Variants in ARHGEF16 observed in about 807,000 individuals in gnomAD.
ARHGEF16 encodes Rho guanine exchange factor (GEF) 16.
A neutral mutation model predicts 74.1 loss-of-function variants in ARHGEF16; 59 were observed. The ratio of observed to expected loss-of-function variants is 0.80; its 90% CI spans 0.65 to 0.99. The LOEUF is 0.99. Among genes scored for constraint, ARHGEF16 ranks in the 50% least tolerant of loss-of-function variants. ARHGEF16 has a pLI of 0.00. For synonymous variants in ARHGEF16, 415 were observed against 412.6 expected (o/e 1.01, Z -0.07); for missense variants, 948 against 986.6 (o/e 0.96, Z 0.52).
At chr1:3,464,188 G>A (rs1293837640) in intron 2 of ARHGEF16, among the ~76,000 whole-genome samples, 2 of 152,242 alleles carry the variant, frequency 1.3e-5, no homozygotes, top group Admixed American at 1.3e-4. Flanking sequence ...TGCTGGTGGT[G>A]GCTCTAGGTC....
Position 3,480,516 on chromosome 1 carries a change from A to T in ARHGEF16, c.2059A>T (p.Ile687Phe), listed in dbSNP as rs1385359729. ...GTTCCCCGAGGACTTTGCCCGCTTC[A>T]TCACCAGCCGTGTGGCCGTGGAGGG... Reference protein sequence around the residue: ...GWFPEDFARFITSRVAVEGNV... With the variant: ...GWFPEDFARFFTSRVAVEGNV... The change falls in exon 15 of 15, where the codon ATC (isoleucine) becomes TTC (phenylalanine). Residue 687 changes from isoleucine to phenylalanine, a missense_variant. By Grantham distance (21) the Ile-to-Phe change is conservative. Coordinates refer to ENST00000378378, the MANE Select transcript of ARHGEF16 (RefSeq NM_014448.4). 6.2e-7 allele frequency: 1 copy of T among 1,612,502 alleles called. No homozygotes were observed. The highest frequency in any genetic ancestry group is 8.5e-7 in the Non-Finnish European group (1 of 1,179,964).
chr1:3,468,721 C>T (rs1639618870), intron 4 of ARHGEF16, 159 bp from the exon 5 acceptor site: 1 of 750,124 alleles, frequency 1.3e-6, no homozygotes, highest in East Asian at 2.7e-5. Context: ...GGGGATAGGC[C>T]CTCGGCAGGA....
Position 3,476,012 on chromosome 1 carries a change from A to G in ARHGEF16, c.1423A>G (p.Met475Val). The stretch of plus-strand genomic sequence containing the variant: ...CGAGGGGGCCCACAGGATGGAGCGC[A>G]TGGAGCAGATGTACACGCTGCACAC... ...CNEGAHRMERMEQMYTLHTQL... is the reference protein window; with the variant it reads ...CNEGAHRMERVEQMYTLHTQL... The change falls in exon 10 of 15, where the codon ATG becomes GTG. Residue 475 changes from methionine (M) to valine (V), a missense_variant. Transcript: ENST00000378378. The G allele has an allele frequency of 6.4e-7, 1 of 1,557,766 alleles. No homozygotes were observed. Among genetic ancestry groups the G allele is most frequent in the Non-Finnish European group, 8.7e-7 (1 of 1,150,816 alleles).
In ARHGEF16 at chr1:3,474,731, C is replaced by T; in HGVS notation, c.1329C>T (p.Gly443=). 6.2e-7 allele frequency: 1 copy of T among 1,612,904 alleles called. No homozygotes were observed. Among genetic ancestry groups the T allele is most frequent in the Non-Finnish European group, 8.5e-7 (1 of 1,179,972 alleles). ...LMDTLCLKTQ[G]HSERYKAASR... ...AGACGCTCTGCCTCAAGACCCAGGG[C>T]CACTCCGAAAGGTACAAGGCTGCCA... Residue 443 remains glycine, a synonymous_variant, in exon 9 of 15, where the codon GGC becomes GGT. Transcript: ENST00000378378.
In ARHGEF16 at chr1:3,463,440, G is replaced by A. The variant is rs182727821; in HGVS notation, c.356G>A (p.Arg119Gln). ...GAAVLSREAA[R>Q]RDPKLLPAPS... ...GCTGTACTTAGCAGGGAGGCCGCCC[G>A]GCGGGACCCTAAGCTCCTCCCAGCC... is the stretch of plus-strand genomic sequence containing the variant. Residue 119 changes from arginine (R) to glutamine (Q), a missense_variant, in exon 2 of 15, where the codon CGG becomes CAG. Arg to Gln is a conservative substitution (Grantham distance 43). Transcript: ENST00000378378. The A allele has an allele frequency of 1.9e-4, 287 of 1,546,158 alleles. No homozygotes were observed. In the African/African-American group the frequency reaches 3.4e-3, roughly 18 times the overall value.
intron 3 of ARHGEF16, 21 bp downstream of exon 3, chr1:3,466,214 C>T: frequency 3.9e-6 from 6 of 1,533,778 alleles, no homozygotes; most frequent in Admixed American, 2.1e-5. Flanking sequence ...CTTCGGGAGG[C>T]ACCGCGGGCT....
intron 6 of ARHGEF16, chr1:3,471,744 G>T: frequency 8.3e-7 from 1 of 1,202,686 alleles, no homozygotes; most frequent in Non-Finnish European, 1.1e-6. Flanking sequence ...GCCCCCGACA[G>T]CTCCTGGCAT....
chr1:3,466,264 G>A, intron 3 of ARHGEF16, 71 bp downstream of exon 3: 1 of 1,472,004 alleles, frequency 6.8e-7, no homozygotes, highest in Non-Finnish European at 9.1e-7. Context: ...GCACCCTGGG[G>A]TTCGGGTGGG....
chr1:3,467,252 GC>G lies in ARHGEF16; in HGVS notation c.723del (p.Glu242ArgfsTer62). On this transcript the variant is annotated frameshift_variant, in exon 4 of 15. Transcript: ENST00000378378. LOFTEE classifies it high-confidence loss of function. The stretch of plus-strand genomic sequence containing the variant: ...GACGACATCCTCGATGAGTCCTCCA[GC>G]CCCGAGGGAACCCAGAAGGTGGACG... Reference protein sequence around the residue: ...SDDDILDESSSPEGTQKVDAT... With the variant: ...SDDDILDESSXPEGTQKVDAT... The G allele has an allele frequency of 6.4e-7, 1 of 1,550,540 alleles. No homozygotes were observed. The highest frequency in any genetic ancestry group is 1.4e-5 in the African/African-American group (1 of 73,186).
chr1:3,466,080 G>C, intron 2 of ARHGEF16, 68 bp from the exon 3 acceptor site: 1 of 1,525,436 alleles, frequency 6.6e-7, no homozygotes, highest in Admixed American at 2.1e-5. Flanking sequence ...GGGTCCCAGG[G>C]CAGAATCGCC....
At position 3,473,407 on chromosome 1, in the gene ARHGEF16, C is replaced by T. The variant is rs1215926915; in HGVS notation, c.1190C>T (p.Ala397Val). ...TLQKLISSNAAFREALREIER... is the reference protein window; with the variant it reads ...TLQKLISSNAVFREALREIER... Reference sequence around the variant, plus strand: ...TCCTCTTGCAGAAGCAGCAACGCCGCCTTCCGAGAGGCCCTGAGAGAGATT... The same window carrying T: ...TCCTCTTGCAGAAGCAGCAACGCCGTCTTCCGAGAGGCCCTGAGAGAGATT... The change falls in exon 8 of 15, where the codon GCC becomes GTC. Residue 397 changes from alanine to valine, a missense_variant. Coordinates refer to ENST00000378378, the MANE Select transcript of ARHGEF16 (RefSeq NM_014448.4). 2.5e-6 allele frequency: 4 copies of T among 1,608,978 alleles called. 1 individual carries two copies. The East Asian group carries it at 8.9e-5, about 36-fold the overall frequency.
chr1:3,465,919 C>A (rs1258514776), intron 2 of ARHGEF16: 7 of 560,600 alleles, frequency 1.2e-5, no homozygotes, highest in Admixed American at 3.5e-5. Flanking sequence ...GAGTTCAACC[C>A]TTCCTCCTCC....
chr1:3,473,431 T>G lies in ARHGEF16; in HGVS notation c.1214T>G (p.Ile405Ser), dbSNP rs539145625. ...GCCTTCCGAGAGGCCCTGAGAGAGA[T>G]TGAGAGGCGGCCGGCGTGCGGGGGC... ...NAAFREALREIERRPACGGLP... is the reference protein window; with the variant it reads ...NAAFREALRESERRPACGGLP... The change falls in exon 8 of 15, where the codon ATT becomes AGT. Residue 405 changes from isoleucine to serine, a missense_variant. By Grantham distance (142) the Ile-to-Ser change is moderately radical. Transcript: ENST00000378378. The G allele has an allele frequency of 7.8e-4, 1,255 of 1,612,408 alleles. 14 individuals are homozygous for G. In the South Asian group the frequency reaches 0.013, roughly 17 times the overall value.
At chr1:3,461,672 CAGG>C (rs928123483) in intron 1 of ARHGEF16, among the ~76,000 whole-genome samples, 4 of 152,182 alleles carry the variant, frequency 2.6e-5, no homozygotes, top group Admixed American at 6.5e-5. Flanking sequence ...CGCCGTCACT[CAGG>C]AGGTGATGTG....
chr1:3,472,661 G>A (rs1044028447), intron 6 of ARHGEF16: 13 of 161,582 alleles, frequency 8.0e-5, no homozygotes, highest in Admixed American at 2.5e-4. Context: ...GTGCGGCAGC[G>A]GGGGCCCGGG....
In ARHGEF16 at chr1:3,467,154, CCTT is replaced by C. The variant is rs1289400941; in HGVS notation, c.635-11_635-9del. The C allele has an allele frequency of 3.9e-6, 6 of 1,547,928 alleles. No individual in the cohort carries two copies. The highest frequency in any genetic ancestry group is 2.4e-5 in the East Asian group (1 of 40,822). The stretch of plus-strand genomic sequence containing the variant: ...ATCCCCCAGGGCCACAGGTTACCCT[CCTT>C]CTCTCTCTAGACCCCCAGCTCTACC... On this transcript the variant is annotated splice_polypyrimidine_tract_variant and intron_variant, in intron 3 of 14. Coordinates refer to ENST00000378378, the MANE Select transcript of ARHGEF16 (RefSeq NM_014448.4).
intron 12 of ARHGEF16, 52 bp downstream of exon 12, chr1:3,478,664 A>G (rs1036531151): frequency 6.5e-7 from 1 of 1,537,044 alleles, no homozygotes; most frequent in Non-Finnish European, 8.8e-7. Context: ...CATTAGCTCC[A>G]TGGGGACCGG....
chr1:3,478,514 C>A lies in ARHGEF16; in HGVS notation c.1716C>A (p.Gly572=). ...IEPSELPLPG[G]GNRSSSVPHP... ...CGTCTGAGCTCCCTCTGCCCGGGGG[C>A]GGCAACCGTAGCTCCTCCGTGCCCC... Residue 572 remains glycine, a synonymous_variant, in exon 12 of 15, where the codon GGC becomes GGA. Coordinates refer to ENST00000378378, the MANE Select transcript of ARHGEF16 (RefSeq NM_014448.4). 1 of 1,612,668 alleles carries A rather than the reference C, an allele frequency of 6.2e-7. No homozygotes were observed. The highest frequency in any genetic ancestry group is 8.5e-7 in the Non-Finnish European group (1 of 1,179,862).
chr1:3,480,864 G>T lies in ARHGEF16; in HGVS notation c.*277G>T. On this transcript the variant is annotated 3_prime_UTR_variant, in exon 15 of 15. Coordinates refer to ENST00000378378, the MANE Select transcript of ARHGEF16 (RefSeq NM_014448.4). Reference sequence around the variant, plus strand: ...GCTGGCTGGGCCCCTCAGCTGCTGGGCCCCACCTCCCCACTGCACCCAGGG... The same window carrying T: ...GCTGGCTGGGCCCCTCAGCTGCTGGTCCCCACCTCCCCACTGCACCCAGGG... 1 of 510,208 alleles carries T rather than the reference G, an allele frequency of 2.0e-6. No individual in the cohort carries two copies. The highest frequency in any genetic ancestry group is 3.5e-6 in the Non-Finnish European group (1 of 286,150). The allele number at this position is 510,208 out of a possible 1,614,324, so 31.6% of individuals were successfully genotyped here. A position where few individuals can be genotyped will look rare whatever the true frequency, so the allele number is the denominator to read the frequency against.
Sources: gnomAD v4.1 joint callset for allele counts (sites outside exome capture counted in the v4.1 genomes callset) on GRCh38, gnomAD v4.1.1 for gene constraint, MANE v1.5 for transcripts, NCBI Gene and HGNC (gene_info 2026-07-23, HGNC 2026-07-21) for gene names.